The following METTL2B variants were observed in gnomAD, a reference collection of about 807,000 sequenced individuals.
METTL2B encodes the protein tRNA N(3)-cytidine methyltransferase METTL2B.
In METTL2B, 28 loss-of-function variants were observed where a neutral mutation model predicts 51.0. The observed-to-expected ratio is 0.55, with a 90% CI of 0.41 to 0.75. The LOEUF (loss-of-function observed/expected upper bound fraction) is 0.75, where lower values mean the gene tolerates loss of function less well. Among genes scored for constraint, METTL2B ranks in the 30% least tolerant of loss-of-function variants. The pLI, the probability that METTL2B is intolerant of heterozygous loss-of-function variation, is 0.00. For synonymous variants in METTL2B, 128 were observed against 166.3 expected (o/e 0.77, Z 1.77); for missense variants, 313 against 460.7 (o/e 0.68, Z 2.93).
intron 5 of METTL2B, among the ~76,000 whole-genome samples, chr7:128,492,562 G>A (rs1230941583): frequency 7.2e-5 from 11 of 152,110 alleles, no homozygotes; most frequent in Admixed American, 1.3e-4. Context: ...GATTCTAGGC[G>A]TGATCCACTG....
intron 3 of METTL2B, among the ~76,000 whole-genome samples, chr7:128,479,906 G>A (rs1799851545): frequency 6.6e-6 from 1 of 152,234 alleles, no homozygotes. Flanking sequence ...AATGGAGAGG[G>A]TAGTTAGGAT....
chr7:128,484,566 G>T (rs1049296456), intron 4 of METTL2B, among the ~76,000 whole-genome samples: 1 of 151,898 alleles, frequency 6.6e-6, no homozygotes, highest in Admixed American at 6.6e-5. Flanking sequence ...TAATACAGTG[G>T]TTTTTTTGTT....
rs890845139 is a variant in METTL2B at position 128,495,184 on chromosome 7, G to A, written c.809+1241G>A. The stretch of plus-strand genomic sequence containing the variant: ...GATCCGCCTGCCACGGCCTCCCAAA[G>A]TGCTGGGATTACAGGCGTGAGCCAC... On this transcript the variant is annotated intron_variant, in intron 6 of 8. Transcript: ENST00000262432. 3.8e-4 allele frequency among the ~76,000 whole-genome samples: 58 copies of A among 150,812 alleles called. 1 individual carries two copies. The highest frequency in any genetic ancestry group is 3.8e-3 in the Admixed American group (57 of 15,174).
chr7:128,495,678 C>T (rs1218088537), intron 6 of METTL2B, among the ~76,000 whole-genome samples: 1 of 152,112 alleles, frequency 6.6e-6, no homozygotes, highest in Non-Finnish European at 1.5e-5. Flanking sequence ...ATCTTGAGCT[C>T]CTGACCTCAA....
intron 6 of METTL2B, among the ~76,000 whole-genome samples, chr7:128,496,916 G>C (rs1028020140): frequency 2.6e-5 from 4 of 152,124 alleles, no homozygotes; most frequent in Admixed American, 2.6e-4. Context: ...AAGTAGCTGG[G>C]ATTACAGGTG....
chr7:128,492,863 G>A (rs1446923856), intron 5 of METTL2B, among the ~76,000 whole-genome samples: 4 of 151,228 alleles, frequency 2.6e-5, no homozygotes, highest in African/African-American at 4.9e-5. Context: ...TGATCTGCGC[G>A]CCTCGGCCTC....
intron 6 of METTL2B, among the ~76,000 whole-genome samples, chr7:128,497,352 GGCAGATAAGTCCCCTA>G (rs567200487): frequency 6.9e-4 from 105 of 152,338 alleles, no homozygotes; most frequent in African/African-American, 2.5e-3. Context: ...TAATGGTGCA[GGCAGATAAGTCCCCTA>G]GCAGAACCCA....
Position 128,476,770 on chromosome 7 carries a change from C to G in METTL2B, c.5C>G (p.Ala2Gly), listed in dbSNP as rs754003835. ...AGTGTTTCCGGCTCCGGTGTCATGG[C>G]CGGCTCCTACCCTGAAGGTGCACCT... Reference protein sequence around the residue: MAGSYPEGAPAI... With the variant: MGGSYPEGAPAI... Residue 2 changes from alanine (A) to glycine (G), a missense_variant, in exon 1 of 9, where the codon GCC (alanine) becomes GGC (glycine). Ala to Gly is a moderately conservative substitution (Grantham distance 60, BLOSUM62 0). Around this residue, in one of 4 missense-constraint regions of METTL2B, gnomAD observed 66 missense variants for 58.2 expected, o/e 1.13. Coordinates refer to ENST00000262432, the MANE Select transcript of METTL2B (RefSeq NM_018396.3). 1 of 1,613,874 alleles carries G rather than the reference C, an allele frequency of 6.2e-7. No individual in the cohort carries two copies. Among genetic ancestry groups the G allele is most frequent in the Non-Finnish European group, 8.5e-7 (1 of 1,179,910 alleles).
At position 128,503,238 on chromosome 7, in the gene METTL2B, T is replaced by G. The variant is rs1418668411; in HGVS notation, c.*1322T>G. 6.6e-6 allele frequency: 1 copy of G among 151,700 alleles called. No individual in the cohort carries two copies. Among genetic ancestry groups the G allele is most frequent in the Non-Finnish European group, 1.5e-5 (1 of 67,938 alleles). The allele number at this position is 151,700 out of a possible 1,614,324, so 9.4% of individuals were successfully genotyped here. ...GAGGTTGCAGTGAGCCGAGATCATG[T>G]CACTGCATTCCAGCCTGGGCAACAG... On this transcript the variant is annotated 3_prime_UTR_variant, in exon 9 of 9. Coordinates refer to ENST00000262432, the MANE Select transcript of METTL2B (RefSeq NM_018396.3).
chr7:128,487,069 A>G (rs548307360), intron 4 of METTL2B, among the ~76,000 whole-genome samples: 1 of 152,368 alleles, frequency 6.6e-6, no homozygotes, highest in East Asian at 1.9e-4. Context: ...GGCACTAGCC[A>G]CGTGTGAAAC....
chr7:128,484,217 C>CTTTTTTTTTTTTGTTTTT (rs1428525341), intron 4 of METTL2B: 2 of 42,410 alleles, frequency 4.7e-5, no homozygotes, highest in African/African-American at 2.0e-4. Context: ...TGCCTAGATC[C>CTTTTTTTTTTTTGTTTTT]TTTTTTTTTT....
In METTL2B at chr7:128,493,870, A is replaced by G. The variant is rs756743733; in HGVS notation, c.736A>G (p.Ser246Gly). The G allele has an allele frequency of 6.2e-6, 10 of 1,612,816 alleles. No homozygotes were observed. In the African/African-American group the frequency reaches 1.2e-4, roughly 19 times the overall value. ...FVHDLCDEEK[S>G]YPVPKGSLDI... ...TCACGACCTGTGTGATGAAGAGAAGAGTTACCCAGTGCCCAAGGGCAGTCT... is the reference window on the plus strand; with the variant it reads ...TCACGACCTGTGTGATGAAGAGAAGGGTTACCCAGTGCCCAAGGGCAGTCT... The change falls in exon 6 of 9, where the codon AGT becomes GGT. Residue 246 changes from serine (S) to glycine (G), a missense_variant. By Grantham distance (56) the Ser-to-Gly change is moderately conservative (BLOSUM62 0). Coordinates refer to ENST00000262432, the MANE Select transcript of METTL2B (RefSeq NM_018396.3).
At chr7:128,480,745 G>C (rs1251850881) in intron 4 of METTL2B, 49 bp downstream of exon 4, 1 of 1,552,362 alleles carries the variant, frequency 6.4e-7, no homozygotes, top group Admixed American at 1.9e-5. Flanking sequence ...AAAAGTGAAG[G>C]TTGGCTGGGC....
chr7:128,489,496 C>G (rs1167897512), intron 5 of METTL2B, among the ~76,000 whole-genome samples: 1 of 151,784 alleles, frequency 6.6e-6, no homozygotes, highest in East Asian at 1.9e-4. Flanking sequence ...TAATAATCAT[C>G]TAAACCTTCA....
chr7:128,492,679 C>T (rs1423731623), intron 5 of METTL2B, among the ~76,000 whole-genome samples: 6 of 151,454 alleles, frequency 4.0e-5, no homozygotes, highest in Admixed American at 1.3e-4. Context: ...TGCAGTGGTG[C>T]GATCTCGGCT....
At chr7:128,499,956 C>T (rs968077618) in intron 7 of METTL2B, among the ~76,000 whole-genome samples, 2 of 152,182 alleles carry the variant, frequency 1.3e-5, no homozygotes, top group Admixed American at 6.5e-5. Flanking sequence ...AGATGTCGTG[C>T]TTGTCACCTG....
rs17840518 is a variant in METTL2B at position 128,502,373 on chromosome 7, T to C, written c.*457T>C. On this transcript the variant is annotated 3_prime_UTR_variant, in exon 9 of 9. Coordinates refer to ENST00000262432, the MANE Select transcript of METTL2B (RefSeq NM_018396.3). Reference sequence around the variant, plus strand: ...TTTATTTCCATGTGAAAAAGTGTTATATATGACAAGTGTTTTTTGATTGTA... The same window carrying C: ...TTTATTTCCATGTGAAAAAGTGTTACATATGACAAGTGTTTTTTGATTGTA... The C allele has an allele frequency of 3.4e-6, 1 of 292,422 alleles. No homozygotes were observed. The highest frequency in any genetic ancestry group is 6.7e-6 in the Non-Finnish European group (1 of 148,998). The allele number at this position is 292,422 out of a possible 1,614,324, so 18.1% of individuals were successfully genotyped here.
At position 128,476,798 on chromosome 7, in the gene METTL2B, A is replaced by C; in HGVS notation, c.33A>C (p.Ala11=). Residue 11 remains alanine, a synonymous_variant, in exon 1 of 9, where the codon GCA becomes GCC. Transcript: ENST00000262432. MAGSYPEGAP[A]ILADKRQQFG... ...GCTCCTACCCTGAAGGTGCACCTGC[A>C]ATCCTCGCCGATAAGAGGCAGCAGT... 6.2e-7 allele frequency: 1 copy of C among 1,614,154 alleles called. No individual in the cohort carries two copies. Among genetic ancestry groups the C allele is most frequent in the South Asian group, 1.1e-5 (1 of 91,078 alleles).
At chr7:128,482,410 TC>T (rs1377874905) in intron 4 of METTL2B, among the ~76,000 whole-genome samples, 1 of 152,164 alleles carries the variant, frequency 6.6e-6, no homozygotes, top group East Asian at 1.9e-4. Context: ...TGCCTCGGCC[TC>T]CCAAAGTGCT....
Sources: allele counts gnomAD v4.1 joint callset (sites outside exome capture counted in the v4.1 genomes callset), GRCh38; gene constraint gnomAD v4.1.1; regional missense constraint gnomAD v4.1.1; transcripts MANE v1.5; gene names NCBI Gene and HGNC (gene_info 2026-07-23, HGNC 2026-07-21).